Variants in PDLIM5 observed in about 807,000 individuals in gnomAD.
The protein encoded by PDLIM5 is PDZ and LIM domain protein 5.
PDLIM5 carries 34 observed loss-of-function variants against 64.2 expected under a neutral mutation model. That is an observed-to-expected ratio of 0.53 (90% CI 0.40 to 0.71). The LOEUF (loss-of-function observed/expected upper bound fraction) is 0.71, where lower values mean the gene tolerates loss of function less well. Ranked by LOEUF, PDLIM5 falls within the 30% of genes least tolerant of loss-of-function variation. The probability of loss-of-function intolerance (pLI) is 0.00; values close to 1 mark genes in which losing one functional copy is unlikely to be tolerated. For missense variants in PDLIM5, 683 were observed against 733.6 expected, an observed-to-expected ratio of 0.93 and a Z score of 0.80; for synonymous variants, 253 against 269.1, an observed-to-expected ratio of 0.94 and a Z score of 0.59.
chr4:94,495,995 C>G (rs1334394269), intron 2 of PDLIM5, among the ~76,000 whole-genome samples: 1 of 151,802 alleles, frequency 6.6e-6, no homozygotes, highest in Non-Finnish European at 1.5e-5. Flanking sequence ...TTGAATTTCC[C>G]TCAATTCAGA....
At position 94,664,249 on chromosome 4, in the gene PDLIM5, C is replaced by T. The variant is rs114319350; in HGVS notation, c.*182C>T. ...TATTTGGCTTCATAAAGTAAAGAGA[C>T]GGTTTGGCATTTATTATTACTTTTT... On this transcript the variant is annotated 3_prime_UTR_variant, in exon 13 of 13. Transcript: ENST00000317968. The T allele has an allele frequency of 3.7e-4, 409 of 1,099,442 alleles. 3 individuals carry two copies. The African/African-American group carries it at 6.0e-3, about 16-fold the overall frequency. The allele number at this position is 1,099,442 out of a possible 1,614,324, so 68.1% of individuals were successfully genotyped here.
At chr4:94,614,386 A>T (rs1738610589) in intron 7 of PDLIM5, among the ~76,000 whole-genome samples, 1 of 152,136 alleles carries the variant, frequency 6.6e-6, no homozygotes, top group Non-Finnish European at 1.5e-5. Context: ...AAGTGCTGGG[A>T]TTACAGGCAT....
rs149624986 is a variant in PDLIM5 at position 94,516,588 on chromosome 4, A to G, written c.97-7136A>G. ...ACCCAGGCTGGAGTATGGTAGTGCA[A>G]TCATGGCTCACTGCAGCCTCGATCT... On this transcript the variant is annotated intron_variant, in intron 2 of 12. Transcript: ENST00000317968. Among the ~76,000 whole-genome samples, 829 of 152,028 alleles carry G rather than the reference A, an allele frequency of 5.5e-3. 5 individuals carry two copies. Among genetic ancestry groups the G allele is most frequent in the African/African-American group, 0.019 (770 of 41,466 alleles).
intron 2 of PDLIM5, among the ~76,000 whole-genome samples, chr4:94,481,754 G>T (rs763784545): frequency 1.3e-5 from 2 of 151,016 alleles, no homozygotes; most frequent in Non-Finnish European, 2.9e-5. Flanking sequence ...GTCTACAGGC[G>T]CCCGCCACCA....
intron 10 of PDLIM5, among the ~76,000 whole-genome samples, chr4:94,655,318 G>T (rs901338598): frequency 6.6e-6 from 1 of 152,024 alleles, no homozygotes; most frequent in Non-Finnish European, 1.5e-5. Context: ...TAAGGGTCAG[G>T]CATACTTTAT....
intron 3 of PDLIM5, among the ~76,000 whole-genome samples, chr4:94,535,661 C>G (rs902415151): frequency 6.6e-6 from 1 of 152,014 alleles, no homozygotes. Context: ...TGGAGAGAGA[C>G]CCAGGTCCTA....
intron 2 of PDLIM5, among the ~76,000 whole-genome samples, chr4:94,469,276 AAGG>A: frequency 6.6e-6 from 1 of 152,206 alleles, no homozygotes; most frequent in Non-Finnish European, 1.5e-5. Flanking sequence ...GTAATTTAAT[AAGG>A]TGATGTGCCA....
intron 3 of PDLIM5, among the ~76,000 whole-genome samples, chr4:94,536,662 T>TG (rs1400208464): frequency 1.3e-5 from 2 of 152,236 alleles, no homozygotes; most frequent in African/African-American, 2.4e-5. Flanking sequence ...TTGCTACTGT[T>TG]GCCTGATAAA....
intron 7 of PDLIM5, among the ~76,000 whole-genome samples, chr4:94,607,085 T>A (rs1169620385): frequency 6.6e-6 from 1 of 152,216 alleles, no homozygotes. Flanking sequence ...CTGCTCTACC[T>A]CTTAATGTTT....
intron 2 of PDLIM5, among the ~76,000 whole-genome samples, chr4:94,492,282 C>T (rs1314059144): frequency 1.3e-5 from 2 of 151,342 alleles, no homozygotes; most frequent in East Asian, 3.9e-4. Flanking sequence ...TTGAATTATA[C>T]TTCCTCTCTT....
At chr4:94,656,132 A>C (rs750417843) in intron 10 of PDLIM5, among the ~76,000 whole-genome samples, 48 of 152,206 alleles carry the variant, frequency 3.2e-4, no homozygotes, top group Non-Finnish European at 4.3e-4. Flanking sequence ...AATTTAAATG[A>C]CCTAAATATT....
At chr4:94,510,587 A>C (rs916982284) in intron 2 of PDLIM5, among the ~76,000 whole-genome samples, 45 of 152,186 alleles carry the variant, frequency 3.0e-4, no homozygotes, top group African/African-American at 1.0e-3. Flanking sequence ...TTCATCTGAT[A>C]GTCCTAATTT....
intron 5 of PDLIM5, among the ~76,000 whole-genome samples, chr4:94,581,333 T>C (rs1348516147): frequency 6.6e-6 from 1 of 152,152 alleles, no homozygotes; most frequent in African/African-American, 2.4e-5. Flanking sequence ...CACCACACCA[T>C]TGAACATTTG....
intron 2 of PDLIM5, among the ~76,000 whole-genome samples, chr4:94,511,365 C>T (rs1360387878): frequency 1.3e-5 from 2 of 151,812 alleles, no homozygotes; most frequent in African/African-American, 2.4e-5. Flanking sequence ...ATATATTTAT[C>T]GGGTACCTGA....
intron 9 of PDLIM5, among the ~76,000 whole-genome samples, chr4:94,650,069 A>G (rs774760871): frequency 2.6e-5 from 4 of 151,934 alleles, no homozygotes; most frequent in Non-Finnish European, 4.4e-5. Context: ...AAGTTTGCAT[A>G]TAATCCACTG....
chr4:94,556,149 T>C (rs968425736), intron 3 of PDLIM5, among the ~76,000 whole-genome samples: 1 of 144,164 alleles, frequency 6.9e-6, no homozygotes, highest in African/African-American at 2.5e-5. Flanking sequence ...AGTGAGAACA[T>C]GCAGTGTTTG....
chr4:94,573,669 T>C, intron 4 of PDLIM5: 1 of 419,954 alleles, frequency 2.4e-6, no homozygotes. Context: ...GATGAGCCCA[T>C]CTTTATCCAA....
intron 7 of PDLIM5, among the ~76,000 whole-genome samples, chr4:94,613,852 A>G (rs993682763): frequency 6.6e-6 from 1 of 152,142 alleles, no homozygotes; most frequent in Admixed American, 6.5e-5. Context: ...AATTTAAGTA[A>G]CAATGCTATA....
At chr4:94,529,928 A>T (rs542036578) in intron 3 of PDLIM5, among the ~76,000 whole-genome samples, 2 of 152,208 alleles carry the variant, frequency 1.3e-5, no homozygotes, top group African/African-American at 2.4e-5. Flanking sequence ...ATCAAAGTGG[A>T]TCATTTTTTA....
Sources: allele counts gnomAD v4.1 joint callset (sites outside exome capture counted in the v4.1 genomes callset), GRCh38; gene constraint gnomAD v4.1.1; transcripts MANE v1.5; gene names NCBI Gene and HGNC (gene_info 2026-07-23, HGNC 2026-07-21).